Variants in CACNA2D4 observed in about 807,000 individuals in gnomAD.
CACNA2D4 encodes calcium voltage-gated channel auxiliary subunit alpha2delta 4.
Under a neutral mutation model 163.8 loss-of-function variants are expected in CACNA2D4, and 157 were observed. That is an observed-to-expected ratio of 0.96 (90% CI 0.84 to 1.09). The LOEUF is 1.09. Ranked by LOEUF, CACNA2D4 falls within the 50% of genes least tolerant of loss-of-function variation. The pLI is 0.00. For missense variants in CACNA2D4, 1,410 were observed against 1,479.9 expected, an observed-to-expected ratio of 0.95 and a Z score of 0.78; for synonymous variants, 598 against 586.9, an observed-to-expected ratio of 1.02 and a Z score of -0.27.
chr12:1,818,003 G>A (rs1262734853), intron 26 of CACNA2D4, among the ~76,000 whole-genome samples: 7 of 150,738 alleles, frequency 4.6e-5, no homozygotes, highest in African/African-American at 1.2e-4. Flanking sequence ...AGTGAGGAGC[G>A]CCTCTGCCCG....
intron 18 of CACNA2D4, among the ~76,000 whole-genome samples, chr12:1,863,646 A>T (rs879780200): frequency 1.3e-5 from 2 of 152,064 alleles, no homozygotes; most frequent in Admixed American, 6.6e-5. Flanking sequence ...CGTTTGTTAA[A>T]TTTATTCCTA....
At position 1,810,269 on chromosome 12, in the gene CACNA2D4, G is replaced by C. The variant is rs1485947662; in HGVS notation, c.2721+9C>G. ...CTCTCCCCCTCATTCTATATCCCCA[G>C]TGACTCACCTCTCGGGACCTCTTGG... On this transcript the variant is annotated intron_variant, in intron 29 of 37. Coordinates refer to ENST00000382722, the MANE Select transcript of CACNA2D4 (RefSeq NM_172364.5). The C allele has an allele frequency of 1.2e-6, 2 of 1,609,854 alleles. No homozygotes were observed. The highest frequency in any genetic ancestry group is 2.7e-5 in the African/African-American group (2 of 74,844).
intron 29 of CACNA2D4, among the ~76,000 whole-genome samples, chr12:1,805,634 G>A (rs1312933469): frequency 1.3e-5 from 2 of 152,218 alleles, no homozygotes; most frequent in Admixed American, 6.5e-5. Context: ...GTGGAGGAGC[G>A]GGGTGGGGGT....
chr12:1,842,892 TTGCA>T (rs1314731793), intron 25 of CACNA2D4, among the ~76,000 whole-genome samples: 1 of 152,146 alleles, frequency 6.6e-6, no homozygotes, highest in African/African-American at 2.4e-5. Flanking sequence ...CCTGCTGGGC[TTGCA>T]CTGGTAATAA....
Position 1,797,493 on chromosome 12 carries a change from G to C in CACNA2D4, c.3038C>G (p.Thr1013Arg), listed in dbSNP as rs757844766. Reference protein sequence around the residue: ...KKQDPLQPCDTEYPVFVYQPA... With the variant: ...KKQDPLQPCDREYPVFVYQPA... ...CTGGTACACGAACACGGGGTACTCC[G>C]TGTCGCAGGGCTGCAGCGGGTCCTG... The change falls in exon 35 of 38, where the codon ACG becomes AGG. Residue 1013 changes from threonine (T) to arginine (R), a missense_variant. Transcript: ENST00000382722. 6.9e-6 allele frequency: 11 copies of C among 1,584,802 alleles called. No individual in the cohort carries two copies. The East Asian group carries it at 1.6e-4, about 23-fold the overall frequency.
rs995713126 is a variant in CACNA2D4, at chr12:1,868,898, C to T, written c.1878+5706G>A. ...AGTGTAGCTATTTATATAGCAATTA[C>T]ACTGTATTAGGTTTTATAAGTAATC... On this transcript the variant is annotated intron_variant, in intron 18 of 37. Transcript: ENST00000382722. Among the ~76,000 whole-genome samples, 10 of 152,126 alleles carry T rather than the reference C, an allele frequency of 6.6e-5. 1 individual carries two copies. The highest frequency in any genetic ancestry group is 5.9e-4 in the Admixed American group (9 of 15,276).
In CACNA2D4 at chr12:1,793,324, G is replaced by A. The variant is rs533704879; in HGVS notation, c.*331C>T. ...GGCTGGGTCTGGACTCTGGAGTACA[G>A]GAAGAACTAAATTATTTTGTCTTGG... On this transcript the variant is annotated 3_prime_UTR_variant, in exon 38 of 38. Coordinates refer to ENST00000382722, the MANE Select transcript of CACNA2D4 (RefSeq NM_172364.5). 60 of 375,888 alleles carry A rather than the reference G, an allele frequency of 1.6e-4. No homozygotes were observed. The highest frequency in any genetic ancestry group is 1.1e-3 in the African/African-American group (52 of 49,180). The allele number at this position is 375,888 out of a possible 1,614,324, so 23.3% of individuals were successfully genotyped here.
chr12:1,797,440 C>T lies in CACNA2D4; in HGVS notation c.3091G>A (p.Val1031Met), dbSNP rs1421553425. 1 of 1,563,424 alleles carries T rather than the reference C, an allele frequency of 6.4e-7. No homozygotes were observed. ...QPAIREANGI[V>M]ECGPCQKVFV... The stretch of plus-strand genomic sequence containing the variant: ...TACTTCTGGCAGGGCCCGCACTCCA[C>T]GATCCCGTTGGCCTCCCGGATGGCC... The change falls in exon 35 of 38, where the codon GTG (valine) becomes ATG (methionine). Residue 1031 changes from valine (V) to methionine (M), a missense_variant. Physicochemically the swap from Val to Met is conservative, Grantham distance 21 (BLOSUM62 1). Transcript: ENST00000382722.
intron 26 of CACNA2D4, among the ~76,000 whole-genome samples, chr12:1,819,756 C>A (rs1199302339): frequency 6.6e-6 from 1 of 152,222 alleles, no homozygotes; most frequent in Non-Finnish European, 1.5e-5. Context: ...CTTCCCTTCG[C>A]ATGCCTGACC....
rs748206246 is a variant in CACNA2D4 at position 1,883,210 on chromosome 12, C to A, written c.1352-210G>T. ...GGAGGCCAAGGCTCACTCTGCTGCA[C>A]CCTGGAAGATCTCTGAGGGGCTGTC... On this transcript the variant is annotated intron_variant, in intron 12 of 37. Transcript: ENST00000382722. This position sits in a 1 kb window ranked among gnomAD's most constrained non-coding sequence, Gnocchi z 4.5. Among the ~76,000 whole-genome samples the A allele has an allele frequency of 7.2e-5, 11 of 152,204 alleles. No individual in the cohort carries two copies. The highest frequency in any genetic ancestry group is 1.5e-4 in the Non-Finnish European group (10 of 68,038).
chr12:1,831,976 A>G (rs1371889278), intron 26 of CACNA2D4, among the ~76,000 whole-genome samples: 2 of 152,168 alleles, frequency 1.3e-5, no homozygotes, highest in African/African-American at 2.4e-5. Flanking sequence ...CTCCCCTTAC[A>G]TGAGAGGGGA....
chr12:1,901,212 G>A (rs1866529044), intron 6 of CACNA2D4, among the ~76,000 whole-genome samples: 1 of 151,994 alleles, frequency 6.6e-6, no homozygotes, highest in African/African-American at 2.4e-5. Flanking sequence ...GTACTAAGAT[G>A]GAAGTTTGTA....
At chr12:1,881,385 C>G (rs1865993151) in intron 13 of CACNA2D4, among the ~76,000 whole-genome samples, 1 of 152,272 alleles carries the variant, frequency 6.6e-6, no homozygotes, top group African/African-American at 2.4e-5. Context: ...CCCAACACTC[C>G]AGGCCACCTT....
rs1225117412 is a variant in CACNA2D4 at position 1,798,775 on chromosome 12, A to C, written c.2995+900T>G. On this transcript the variant is annotated intron_variant, in intron 34 of 37. Coordinates refer to ENST00000382722, the MANE Select transcript of CACNA2D4 (RefSeq NM_172364.5). This position sits in a 1 kb window ranked among gnomAD's most constrained non-coding sequence, Gnocchi z 4.3. ...GAGGGGGATCATCTTCAACTTTTGC[A>C]AGATGCAGCTGCTGACAGAGACAGA... Among the ~76,000 whole-genome samples, 1 of 152,110 alleles carries C rather than the reference A, an allele frequency of 6.6e-6. No individual in the cohort carries two copies. The highest frequency in any genetic ancestry group is 1.5e-5 in the Non-Finnish European group (1 of 68,016).
rs1319239266 is a variant in CACNA2D4, at chr12:1,795,118, A to G, written c.3309+181T>C. On this transcript the variant is annotated intron_variant, in intron 37 of 37. Transcript: ENST00000382722. Reference sequence around the variant, plus strand: ...GAATCAGGACAAAGACTAAATAAAGATCTGTTTCTTATTATATCACAGTGT... The same window carrying G: ...GAATCAGGACAAAGACTAAATAAAGGTCTGTTTCTTATTATATCACAGTGT... The G allele has an allele frequency of 1.2e-5, 7 of 605,600 alleles. No homozygotes were observed. The East Asian group carries it at 1.9e-4, about 17-fold the overall frequency. The allele number at this position is 605,600 out of a possible 1,614,324, so 37.5% of individuals were successfully genotyped here.
intron 3 of CACNA2D4, among the ~76,000 whole-genome samples, chr12:1,911,021 A>ATTTTTTTTT (rs374264665): frequency 7.5e-6 from 1 of 133,482 alleles, no homozygotes. Context: ...CCGCAATACA[A>ATTTTTTTTT]TTTTTTTTTT....
intron 6 of CACNA2D4, among the ~76,000 whole-genome samples, chr12:1,895,556 C>T (rs2154450268): frequency 6.6e-6 from 1 of 152,176 alleles, no homozygotes; most frequent in South Asian, 2.1e-4. Context: ...ACCCAAAGAC[C>T]AATGAAACAG....
At position 1,802,711 on chromosome 12, in the gene CACNA2D4, C is replaced by T. The variant is rs191248787; in HGVS notation, c.2722-1067G>A. The stretch of plus-strand genomic sequence containing the variant: ...GCAGCCATCGTTAGGAGGAGAGGTC[C>T]GGGGTCCGGCTTGGCTGTTCTCCCT... On this transcript the variant is annotated intron_variant, in intron 29 of 37. Transcript: ENST00000382722. The surrounding 1 kb of genome is among the most constrained non-coding windows in gnomAD (Gnocchi z 4.7). Among the ~76,000 whole-genome samples, 10 of 152,328 alleles carry T rather than the reference C, an allele frequency of 6.6e-5. No individual in the cohort carries two copies. Among genetic ancestry groups the T allele is most frequent in the Non-Finnish European group, 1.3e-4 (9 of 68,028 alleles).
rs1333895772 is a variant in CACNA2D4, at chr12:1,829,735, A to G, written c.2551+11004T>C. ...ACAGCCAGGTCCCAGGTCCCATGTC[A>G]GGGTGGGCCGATGGGCTGTGAGCTG... On this transcript the variant is annotated intron_variant, in intron 26 of 37. Coordinates refer to ENST00000382722, the MANE Select transcript of CACNA2D4 (RefSeq NM_172364.5). This position sits in a 1 kb window ranked among gnomAD's most constrained non-coding sequence, Gnocchi z 4.2. Among the ~76,000 whole-genome samples, 1 of 141,842 alleles carries G rather than the reference A, an allele frequency of 7.1e-6. No homozygotes were observed. Among genetic ancestry groups the G allele is most frequent in the Admixed American group, 7.0e-5 (1 of 14,352 alleles). The allele number at this position is 141,842 out of a possible 152,430, so 93.1% of individuals were successfully genotyped here.
Sources: gnomAD v4.1 joint callset for allele counts (sites outside exome capture counted in the v4.1 genomes callset) on GRCh38, gnomAD v4.1.1 for gene constraint, Gnocchi (gnomAD v3.1) non-coding constraint, MANE v1.5 for transcripts, NCBI Gene and HGNC (gene_info 2026-07-23, HGNC 2026-07-21) for gene names.